The following FAM227B variants were observed in gnomAD, a reference collection of about 807,000 sequenced individuals.
FAM227B encodes the protein family with sequence similarity 227 member B.
A neutral mutation model predicts 73.8 loss-of-function variants in FAM227B; 88 were observed. The ratio of observed to expected loss-of-function variants is 1.19; its 90% confidence interval spans 1.00 to 1.42. FAM227B has a LOEUF of 1.42. Ranked by LOEUF, FAM227B falls within the 40% of genes most tolerant of loss-of-function variation. The pLI, the probability that FAM227B is intolerant of heterozygous loss-of-function variation, is 0.00. For synonymous variants in FAM227B, 210 were observed against 190.5 expected (o/e 1.10, Z -0.84); for missense variants, 632 against 590.9 (o/e 1.07, Z -0.72).
At chr15:49,490,156 T>A (rs142148234) in intron 11 of FAM227B, among the ~76,000 whole-genome samples, 14 of 151,648 alleles carry the variant, frequency 9.2e-5, no homozygotes, top group African/African-American at 3.4e-4. Context: ...CCTTGAAAGG[T>A]CTTATTCCCT....
At chr15:49,383,650 CA>C (rs2046684506) in intron 11 of FAM227B, among the ~76,000 whole-genome samples, 1 of 151,722 alleles carries the variant, frequency 6.6e-6, no homozygotes, top group South Asian at 2.1e-4. Flanking sequence ...TGAAAACTGG[CA>C]AAAAATATTT....
At chr15:49,603,501 A>AT (rs71299503) in intron 3 of FAM227B, among the ~76,000 whole-genome samples, 16,544 of 152,072 alleles carry the variant, frequency 0.11, 1,285 homozygotes, top group East Asian at 0.36. Flanking sequence ...AGCTTACTGA[A>AT]TTTTTTTACC....
At chr15:49,508,057 T>C (rs921042162) in intron 11 of FAM227B, among the ~76,000 whole-genome samples, 154 bp downstream of exon 11, 2 of 152,148 alleles carry the variant, frequency 1.3e-5, no homozygotes, top group African/African-American at 4.8e-5. Flanking sequence ...GAAAAAGGAC[T>C]TAAGTGTGTA....
chr15:49,361,645 T>C (rs1179743191), intron 13 of FAM227B, among the ~76,000 whole-genome samples: 1 of 152,160 alleles, frequency 6.6e-6, no homozygotes, highest in African/African-American at 2.4e-5. Flanking sequence ...CCTAGTCCTG[T>C]TGATGGGCAT....
At chr15:49,453,477 T>C (rs2052972345) in intron 11 of FAM227B, among the ~76,000 whole-genome samples, 1 of 152,174 alleles carries the variant, frequency 6.6e-6, no homozygotes, top group Non-Finnish European at 1.5e-5. Flanking sequence ...AATGCATGTT[T>C]TTCCTTTACA....
intron 9 of FAM227B, among the ~76,000 whole-genome samples, chr15:49,549,963 T>G: frequency 8.9e-6 from 1 of 112,274 alleles, no homozygotes; most frequent in African/African-American, 2.9e-5. Flanking sequence ...GGCGGGGGGC[T>G]GACCCCCCCA....
rs947251954 is a variant in FAM227B, at chr15:49,483,428, G to T, written c.1012+24783C>A. On this transcript the variant is annotated intron_variant, in intron 11 of 15. Transcript: ENST00000299338. ...AAAAAATGTTTTCTGTGTGACTTTG[G>T]ACAAATGGCTTGTTCTTTGGATTTT... Among the ~76,000 whole-genome samples, 3 of 151,896 alleles carry T rather than the reference G, an allele frequency of 2.0e-5. 1 individual carries two copies. Among genetic ancestry groups the T allele is most frequent in the African/African-American group, 7.2e-5 (3 of 41,382 alleles).
chr15:49,413,361 T>C (rs1032592545), intron 11 of FAM227B, among the ~76,000 whole-genome samples: 8 of 152,090 alleles, frequency 5.3e-5, no homozygotes, highest in Admixed American at 2.6e-4. Flanking sequence ...GACATGCTCC[T>C]CCTTGTCTTC....
At chr15:49,342,127 G>A (rs76879465) in intron 13 of FAM227B, among the ~76,000 whole-genome samples, 3,008 of 152,158 alleles carry the variant, frequency 0.02, 108 homozygotes, top group African/African-American at 0.069. Flanking sequence ...TTGTCAGTAC[G>A]GTGTTGAAGT....
At chr15:49,395,564 T>G (rs1166514750) in intron 11 of FAM227B, among the ~76,000 whole-genome samples, 1 of 152,134 alleles carries the variant, frequency 6.6e-6, no homozygotes, top group African/African-American at 2.4e-5. Flanking sequence ...AGATGAACCA[T>G]CAGAACTTTG....
intron 10 of FAM227B, among the ~76,000 whole-genome samples, chr15:49,516,563 TCTA>T (rs1021241483): frequency 1.3e-5 from 2 of 152,028 alleles, no homozygotes; most frequent in African/African-American, 4.8e-5. Flanking sequence ...TTTTTAGCTA[TCTA>T]AATCCTAGGC....
intron 11 of FAM227B, chr15:49,483,037 C>A (rs2056091818): frequency 4.2e-6 from 3 of 708,890 alleles, no homozygotes; most frequent in Admixed American, 2.0e-5. Context: ...TAAATAATCA[C>A]ATTAAAAATT....
At chr15:49,392,413 A>G (rs1304341102) in intron 11 of FAM227B, among the ~76,000 whole-genome samples, 3 of 152,202 alleles carry the variant, frequency 2.0e-5, no homozygotes, top group Admixed American at 6.5e-5. Context: ...TGCGATGAGG[A>G]TGCAAAAGAG....
rs2078215227 is a variant in FAM227B, at chr15:49,615,255, A to C, written c.-72-12T>G. The C allele has an allele frequency of 1.8e-6, 2 of 1,114,734 alleles. No homozygotes were observed. The highest frequency in any genetic ancestry group is 2.8e-6 in the Non-Finnish European group (2 of 726,252). The allele number at this position is 1,114,734 out of a possible 1,614,324, so 69.1% of individuals were successfully genotyped here. On this transcript the variant is annotated splice_polypyrimidine_tract_variant and intron_variant, in intron 1 of 15. Transcript: ENST00000299338. ...GTTGGGCGACCAAACTGGGGTATGA[A>C]AGACACCCAAATGCAAAAATAAATG...
rs575217146 is a variant in FAM227B, at chr15:49,366,124, T to C, written c.1271+1324A>G. 1.3e-4 allele frequency: 124 copies of C among 979,478 alleles called. 2 individuals are homozygous for C. In the South Asian group the frequency reaches 1.5e-3, roughly 12 times the overall value. 60.7% of individuals were successfully genotyped at this position (979,478 alleles called of 1,614,324 possible). Reference sequence around the variant, plus strand: ...CCAATTCAACTAGTCCACTCCAGTATCCACCTAATGCCACAGTGAACACAG... The same window carrying C: ...CCAATTCAACTAGTCCACTCCAGTACCCACCTAATGCCACAGTGAACACAG... On this transcript the variant is annotated intron_variant, in intron 13 of 15. Transcript: ENST00000299338.
At chr15:49,451,930 T>A (rs903489761) in intron 11 of FAM227B, among the ~76,000 whole-genome samples, 4 of 152,128 alleles carry the variant, frequency 2.6e-5, no homozygotes, top group African/African-American at 9.7e-5. Context: ...GCTCTCAGAA[T>A]TTGAGAGACT....
chr15:49,370,643 ATTATC>A (rs2045747317), intron 12 of FAM227B, among the ~76,000 whole-genome samples: 2 of 152,220 alleles, frequency 1.3e-5, no homozygotes, highest in Admixed American at 6.5e-5. Flanking sequence ...TTTTAAATAA[ATTATC>A]TTATCAGACT....
intron 8 of FAM227B, among the ~76,000 whole-genome samples, chr15:49,573,157 A>G (rs1031108548): frequency 4.6e-5 from 7 of 152,042 alleles, no homozygotes; most frequent in African/African-American, 1.7e-4. Flanking sequence ...GTTCAAAATA[A>G]TTTTTGATTT....
chr15:49,509,845 G>A (rs984058597), intron 10 of FAM227B, among the ~76,000 whole-genome samples: 1 of 152,098 alleles, frequency 6.6e-6, no homozygotes, highest in African/African-American at 2.4e-5. Context: ...TAAAATAAAG[G>A]AGCTAAAAAC....
Sources: allele counts gnomAD v4.1 joint callset (sites outside exome capture counted in the v4.1 genomes callset), GRCh38; gene constraint gnomAD v4.1.1; transcripts MANE v1.5; gene names NCBI Gene and HGNC (gene_info 2026-07-23, HGNC 2026-07-21).